The following ASIC2 variants were observed in gnomAD, a reference collection of about 807,000 sequenced individuals.
ASIC2 encodes acid sensing ion channel subunit 2.
ASIC2 carries 25 observed loss-of-function variants against 57.3 expected under a neutral mutation model. The observed-to-expected ratio is 0.44, with a 90% confidence interval of 0.32 to 0.61. The LOEUF (loss-of-function observed/expected upper bound fraction) is 0.61. ASIC2 is among the 20% of genes least tolerant of loss of function. The pLI, the probability that ASIC2 is intolerant of heterozygous loss-of-function variation, is 0.06. For missense variants in ASIC2, 641 were observed against 738.1 expected, an observed-to-expected ratio of 0.87 and a Z score of 1.52; for synonymous variants, 319 against 307.5, an observed-to-expected ratio of 1.04 and a Z score of -0.39.
chr17:33,909,808 A>C (rs1915423756), intron 1 of ASIC2, among the ~76,000 whole-genome samples: 1 of 152,356 alleles, frequency 6.6e-6, no homozygotes, highest in South Asian at 2.1e-4. Flanking sequence ...TACCCTAATA[A>C]GGACATGAAC....
At chr17:33,661,451 A>G (rs148790032) in intron 1 of ASIC2, among the ~76,000 whole-genome samples, 9 of 152,342 alleles carry the variant, frequency 5.9e-5, no homozygotes, top group African/African-American at 2.2e-4. Context: ...AAATAGAAAC[A>G]GAGCACCCTG....
At chr17:33,104,057 G>T (rs921448956) in intron 2 of ASIC2, among the ~76,000 whole-genome samples, 1 of 152,144 alleles carries the variant, frequency 6.6e-6, no homozygotes, top group Non-Finnish European at 1.5e-5. Flanking sequence ...CCTCAGTGCA[G>T]GCCCTCAGTT....
intron 1 of ASIC2, among the ~76,000 whole-genome samples, chr17:33,130,695 G>A (rs186521087): frequency 2.6e-5 from 4 of 152,178 alleles, no homozygotes; most frequent in African/African-American, 7.2e-5. Flanking sequence ...CCTCCTGGAG[G>A]GGGGGACTTG....
chr17:33,795,079 C>T (rs1472694019), intron 1 of ASIC2, among the ~76,000 whole-genome samples: 5 of 152,194 alleles, frequency 3.3e-5, no homozygotes, highest in Non-Finnish European at 5.9e-5. Context: ...CAGAGCAAAG[C>T]TGGAGATTGT....
chr17:34,136,171 A>G (rs927628964), intron 1 of ASIC2, among the ~76,000 whole-genome samples: 3 of 152,180 alleles, frequency 2.0e-5, no homozygotes, highest in Non-Finnish European at 4.4e-5. Flanking sequence ...GCAATAACAT[A>G]CTAAACTCCA....
At chr17:33,263,541 A>G (rs2142147662) in intron 1 of ASIC2, among the ~76,000 whole-genome samples, 1 of 152,306 alleles carries the variant, frequency 6.6e-6, no homozygotes, top group Non-Finnish European at 1.5e-5. Context: ...GGTGCTTCTG[A>G]CAAACCCTGA....
At chr17:33,799,377 CCTTTCTTTCTTTCTTT>C (rs150337011) in intron 1 of ASIC2, among the ~76,000 whole-genome samples, 1 of 40,914 alleles carries the variant, frequency 2.4e-5, no homozygotes, top group Non-Finnish European at 7.2e-5. Flanking sequence ...TTTCTTTCTT[CCTTTCTTTCTTTCTTT>C]CTTTCTTTCT....
intron 1 of ASIC2, among the ~76,000 whole-genome samples, chr17:33,634,532 T>G (rs922776293): frequency 3.2e-5 from 4 of 123,962 alleles, no homozygotes; most frequent in African/African-American, 1.2e-4. Flanking sequence ...TTTTTTTTTT[T>G]TGAGACAGAG....
At chr17:33,645,489 A>G (rs1225743734) in intron 1 of ASIC2, among the ~76,000 whole-genome samples, 2 of 152,206 alleles carry the variant, frequency 1.3e-5, no homozygotes, top group Non-Finnish European at 2.9e-5. Flanking sequence ...ACAGTGGTCA[A>G]CCTCAGTCCC....
intron 3 of ASIC2, among the ~76,000 whole-genome samples, chr17:33,060,727 A>G (rs977503115): frequency 1.3e-5 from 2 of 152,198 alleles, no homozygotes; most frequent in Admixed American, 1.3e-4. Context: ...TGGGGGTGCC[A>G]TTGAATCTAT....
Position 33,292,877 on chromosome 17 carries a change from C to T in ASIC2, c.-762G>A. ...AAGTCCTGCCAGGCGCCCGCTCTCGCCTGGGGCTGAGAGCTTCTCAGGGCG... is the reference window on the plus strand; with the variant it reads ...AAGTCCTGCCAGGCGCCCGCTCTCGTCTGGGGCTGAGAGCTTCTCAGGGCG... On this transcript the variant is annotated 5_prime_UTR_variant, in exon 1 of 10. Transcript: ENST00000225823. 3 of 985,548 alleles carry T rather than the reference C, an allele frequency of 3.0e-6. No homozygotes were observed. The South Asian group carries it at 1.4e-4, about 46-fold the overall frequency. The allele number at this position is 985,548 out of a possible 1,614,324, so 61.1% of individuals were successfully genotyped here. A position where few individuals can be genotyped will look rare whatever the true frequency, so the allele number is the denominator to read the frequency against.
In ASIC2 at chr17:34,024,110, T is replaced by C. The variant is rs771527332; in HGVS notation, c.555+131868A>G. Among the ~76,000 whole-genome samples the C allele has an allele frequency of 4.7e-4, 72 of 152,194 alleles. 1 individual carries two copies. The highest frequency in any genetic ancestry group is 2.1e-4 in the Non-Finnish European group (14 of 68,040). On this transcript the variant is annotated intron_variant, in intron 1 of 9. Coordinates refer to the ASIC2 transcript ENST00000359872. ...TCAGCCAGCTCCTGAAAGGGCTTTATAGAGGGGCTCTTGAGAACCTGGACT... is the reference window on the plus strand; with the variant it reads ...TCAGCCAGCTCCTGAAAGGGCTTTACAGAGGGGCTCTTGAGAACCTGGACT...
At chr17:33,089,360 T>C (rs1214726348) in intron 2 of ASIC2, among the ~76,000 whole-genome samples, 1 of 152,172 alleles carries the variant, frequency 6.6e-6, no homozygotes, top group African/African-American at 2.4e-5. Flanking sequence ...AGCCCAGGGA[T>C]GCAGGTAGCT....
At chr17:33,985,469 C>T (rs1007448890) in intron 1 of ASIC2, among the ~76,000 whole-genome samples, 4 of 152,160 alleles carry the variant, frequency 2.6e-5, no homozygotes. Context: ...AACCGGTCTA[C>T]AGGCCATACT....
At chr17:33,649,204 C>T (rs561141602) in intron 1 of ASIC2, among the ~76,000 whole-genome samples, 5 of 152,292 alleles carry the variant, frequency 3.3e-5, no homozygotes, top group East Asian at 3.9e-4. Flanking sequence ...TAAGTGAATT[C>T]GGCAAGGTTG....
intron 1 of ASIC2, among the ~76,000 whole-genome samples, chr17:33,415,787 G>A (rs1472830578): frequency 2.0e-5 from 3 of 152,166 alleles, no homozygotes; most frequent in African/African-American, 7.2e-5. Flanking sequence ...TTCTGATCAT[G>A]TTTTCTTTGT....
intron 1 of ASIC2, among the ~76,000 whole-genome samples, chr17:33,858,782 G>T (rs1914029630): frequency 6.6e-6 from 1 of 152,194 alleles, no homozygotes; most frequent in Middle Eastern, 3.2e-3. Flanking sequence ...CTCCCTTCTA[G>T]ACAGGTTGTT....
intron 3 of ASIC2, among the ~76,000 whole-genome samples, chr17:33,058,470 C>CAAAAAAAAAAAA (rs10612611): frequency 1.8e-5 from 2 of 109,724 alleles, no homozygotes; most frequent in Non-Finnish European, 3.7e-5. Flanking sequence ...TCTGAGAAGT[C>CAAAAAAAAAAAA]AAAAAAAAAA....
At chr17:34,064,553 T>A (rs4795854) in intron 1 of ASIC2, among the ~76,000 whole-genome samples, 72,504 of 152,002 alleles carry the variant, frequency 0.48, 20,435 homozygotes, top group Non-Finnish European at 0.62. Flanking sequence ...AGAGCTTTTT[T>A]TTTACAGCAA....
Sources: allele counts gnomAD v4.1 joint callset (sites outside exome capture counted in the v4.1 genomes callset), GRCh38; gene constraint gnomAD v4.1.1; transcripts MANE v1.5; gene names NCBI Gene and HGNC (gene_info 2026-07-23, HGNC 2026-07-21).